Variants in KCNK13 observed in about 807,000 individuals in gnomAD.
KCNK13 encodes the protein potassium channel subfamily K member 13.
KCNK13 carries 12 observed loss-of-function variants against 23.4 expected under a neutral mutation model. The ratio of observed to expected loss-of-function variants is 0.51; its 90% confidence interval spans 0.33 to 0.83. KCNK13 has a LOEUF of 0.83. Among genes scored for constraint, KCNK13 ranks in the 40% least tolerant of loss-of-function variants. The pLI, the probability that KCNK13 is intolerant of heterozygous loss-of-function variation, is 0.02. For synonymous variants in KCNK13, 231 were observed against 229.5 expected (o/e 1.01, Z -0.06); for missense variants, 463 against 556.3 (o/e 0.83, Z 1.69).
chr14:90,134,999 C>T (rs190423258), intron 1 of KCNK13, among the ~76,000 whole-genome samples: 2 of 152,136 alleles, frequency 1.3e-5, no homozygotes, highest in Non-Finnish European at 2.9e-5. Context: ...GAGTTTTTAC[C>T]CCGCTTCCAA....
intron 1 of KCNK13, chr14:90,107,894 T>TTTATCA (rs1349597170): frequency 1.3e-6 from 1 of 780,544 alleles, no homozygotes; most frequent in Non-Finnish European, 2.3e-6. Context: ...GCCTTGAGTC[T>TTTATCA]TTATCAGTAA....
At chr14:90,169,464 C>T (rs1416191910) in intron 1 of KCNK13, among the ~76,000 whole-genome samples, 1 of 152,230 alleles carries the variant, frequency 6.6e-6, no homozygotes, top group African/African-American at 2.4e-5. Context: ...CTACGGAATA[C>T]TCAATGCTGC....
At chr14:90,079,544 A>G (rs1430221104) in intron 1 of KCNK13, among the ~76,000 whole-genome samples, 3 of 152,134 alleles carry the variant, frequency 2.0e-5, no homozygotes, top group Non-Finnish European at 4.4e-5. Context: ...GGTGTGAGCC[A>G]TTAGCAGCAG....
chr14:90,152,953 G>A (rs1022637588), intron 1 of KCNK13, among the ~76,000 whole-genome samples: 4 of 152,148 alleles, frequency 2.6e-5, no homozygotes, highest in African/African-American at 9.7e-5. Flanking sequence ...TCTGGGCCTT[G>A]ACATTTCCCT....
At chr14:90,107,825 A>G in intron 1 of KCNK13, 1 of 864,434 alleles carries the variant, frequency 1.2e-6, no homozygotes. Flanking sequence ...GATCACAACC[A>G]CCAACCACAC....
At chr14:90,101,806 A>AAAAAAAAAAAAAAAAAAC (rs1566951708) in intron 1 of KCNK13, among the ~76,000 whole-genome samples, 3 of 144,492 alleles carry the variant, frequency 2.1e-5, no homozygotes, top group Admixed American at 7.1e-5. Flanking sequence ...AAAAAAAAAA[A>AAAAAAAAAAAAAAAAAAC]AAAAAACCTC....
chr14:90,073,136 G>T (rs1016724664), intron 1 of KCNK13, among the ~76,000 whole-genome samples: 2 of 152,110 alleles, frequency 1.3e-5, no homozygotes, highest in African/African-American at 4.8e-5. Flanking sequence ...GGGAAGGATC[G>T]CCAGTTAAAG....
At chr14:90,107,849 G>A in intron 1 of KCNK13, 1 of 845,714 alleles carries the variant, frequency 1.2e-6, no homozygotes, top group East Asian at 2.5e-5. Context: ...CAAGATTCAA[G>A]ATTATTTGGA....
intron 1 of KCNK13, among the ~76,000 whole-genome samples, chr14:90,087,151 TA>T (rs578179455): frequency 0.22 from 21,887 of 99,812 alleles, 1,937 homozygotes; most frequent in African/African-American, 0.25. Flanking sequence ...TATATATATA[TA>T]TATTTTTTTT....
chr14:90,175,802 T>C (rs1890415954), intron 1 of KCNK13, among the ~76,000 whole-genome samples: 2 of 152,204 alleles, frequency 1.3e-5, no homozygotes, highest in South Asian at 4.1e-4. Flanking sequence ...CTGCTGACTC[T>C]TGTGACTGCA....
intron 1 of KCNK13, among the ~76,000 whole-genome samples, chr14:90,114,679 C>T (rs546741182): frequency 2.0e-5 from 3 of 152,314 alleles, no homozygotes; most frequent in East Asian, 3.9e-4. Context: ...AGCCTCTGGG[C>T]AGGGATTTTG....
At chr14:90,137,780 A>G (rs1316884745) in intron 1 of KCNK13, among the ~76,000 whole-genome samples, 1 of 152,228 alleles carries the variant, frequency 6.6e-6, no homozygotes, top group Non-Finnish European at 1.5e-5. Context: ...CAAATGTCAG[A>G]ATTTATTTTC....
At chr14:90,109,708 C>A (rs545560176) in intron 1 of KCNK13, among the ~76,000 whole-genome samples, 1 of 147,168 alleles carries the variant, frequency 6.8e-6, no homozygotes, top group East Asian at 2.0e-4. Context: ...TGGTGCCTGG[C>A]CCTTTATTTT....
intron 1 of KCNK13, among the ~76,000 whole-genome samples, chr14:90,123,453 T>C (rs1424182871): frequency 1.3e-5 from 2 of 152,140 alleles, no homozygotes; most frequent in African/African-American, 2.4e-5. Context: ...ACACTAAGGA[T>C]CTTGTTTTCA....
At chr14:90,074,036 T>G (rs1889107602) in intron 1 of KCNK13, among the ~76,000 whole-genome samples, 1 of 152,100 alleles carries the variant, frequency 6.6e-6, no homozygotes, top group South Asian at 2.1e-4. Flanking sequence ...TGACGCGATC[T>G]TGGCTCACTG....
chr14:90,164,247 A>T (rs1890279626), intron 1 of KCNK13, among the ~76,000 whole-genome samples: 1 of 152,216 alleles, frequency 6.6e-6, no homozygotes, highest in African/African-American at 2.4e-5. Flanking sequence ...TAAAGAATGG[A>T]TCTATACTGG....
intron 1 of KCNK13, among the ~76,000 whole-genome samples, chr14:90,140,463 T>C (rs1889992512): frequency 6.6e-6 from 1 of 152,198 alleles, no homozygotes; most frequent in Non-Finnish European, 1.5e-5. Flanking sequence ...GGAATGGTGC[T>C]ATTAACTGTT....
At chr14:90,065,173 A>G (rs1455880929) in intron 1 of KCNK13, among the ~76,000 whole-genome samples, 2 of 152,042 alleles carry the variant, frequency 1.3e-5, no homozygotes, top group African/African-American at 4.8e-5. Context: ...TCTATAAACC[A>G]CTCATATCTT....
At chr14:90,071,266 G>C (rs528633858) in intron 1 of KCNK13, among the ~76,000 whole-genome samples, 271 of 152,238 alleles carry the variant, frequency 1.8e-3, no homozygotes, top group Middle Eastern at 0.01. Context: ...TCTTTTGAAA[G>C]AAGCATGGTC....
Sources: gnomAD v4.1 joint callset for allele counts (sites outside exome capture counted in the v4.1 genomes callset) on GRCh38, gnomAD v4.1.1 for gene constraint, MANE v1.5 for transcripts, NCBI Gene and HGNC (gene_info 2026-07-23, HGNC 2026-07-21) for gene names.